The following ATF3 variants were observed in gnomAD, a reference collection of about 807,000 sequenced individuals.
ATF3 encodes activating transcription factor 3, also known as cyclic AMP-dependent transcription factor ATF-3.
Under a neutral mutation model 18.4 loss-of-function variants are expected in ATF3, and 10 were observed. The ratio of observed to expected loss-of-function variants is 0.54; its 90% CI spans 0.34 to 0.92. ATF3 has a LOEUF of 0.92. Among genes scored for constraint, ATF3 ranks in the 40% least tolerant of loss-of-function variants. ATF3 has a pLI of 0.02. For synonymous variants in ATF3, 78 were observed against 87.9 expected, an observed-to-expected ratio of 0.89 and a Z score of 0.63; for missense variants, 183 against 222.3, an observed-to-expected ratio of 0.82 and a Z score of 1.12.
At position 212,619,705 on chromosome 1, in the gene ATF3, AGCAGGCCCTTCCCATT is replaced by A; in HGVS notation, c.*151_*166del. The A allele has an allele frequency of 1.9e-6, 2 of 1,059,050 alleles. No individual in the cohort carries two copies. Among genetic ancestry groups the A allele is most frequent in the Non-Finnish European group, 2.7e-6 (2 of 734,726 alleles). The allele number at this position is 1,059,050 out of a possible 1,614,324, so 65.6% of individuals were successfully genotyped here. The stretch of plus-strand genomic sequence containing the variant: ...AAGGCGGGAGGGCCTGCAGTGATTC[AGCAGGCCCTTCCCATT>A]CTGCCCCAGAGTGGGTCTTGGACCA... On this transcript the variant is annotated 3_prime_UTR_variant, in exon 4 of 4. Transcript: ENST00000341491. This position sits in a 1 kb window ranked among gnomAD's most constrained non-coding sequence, Gnocchi z 4.4.
chr1:212,605,440 G>A (rs1393214214), upstream of ATF3, among the ~76,000 whole-genome samples: 1 of 152,222 alleles, frequency 6.6e-6, no homozygotes, highest in Non-Finnish European at 1.5e-5. Context: ...GAAGAAGTAG[G>A]TTGAGCCAGG....
At chr1:212,617,360 C>A (rs971010171) in intron 2 of ATF3, among the ~76,000 whole-genome samples, 6 of 152,206 alleles carry the variant, frequency 3.9e-5, no homozygotes, top group Non-Finnish European at 8.8e-5. Flanking sequence ...CTGGCGATGC[C>A]ATAGTGGCTT....
intron 1 of ATF3, among the ~76,000 whole-genome samples, chr1:212,573,393 A>G (rs1204711422): frequency 6.6e-6 from 1 of 151,956 alleles, no homozygotes; most frequent in Non-Finnish European, 1.5e-5. Flanking sequence ...TGTGGATGTA[A>G]TATATTATAC....
chr1:212,584,414 A>G lies in ATF3; in HGVS notation c.-5+18931A>G, dbSNP rs534927953. ...AGCAAGCTTGAGGAGCCAATGGTGC[A>G]GTTCCAGTCTGAGGCTGGGAGGCTC... On this transcript the variant is annotated intron_variant, in intron 1 of 3. Coordinates refer to the ATF3 transcript ENST00000366981. 1.2e-4 allele frequency among the ~76,000 whole-genome samples: 19 copies of G among 152,246 alleles called. No homozygotes were observed. The South Asian group carries it at 3.9e-3, about 32-fold the overall frequency.
Position 212,618,022 on chromosome 1 carries a change from G to A in ATF3, c.241-105G>A, listed in dbSNP as rs1459959898. On this transcript the variant is annotated intron_variant, in intron 2 of 3. Coordinates refer to ENST00000341491, the MANE Select transcript of ATF3 (RefSeq NM_001674.4). This position sits in a 1 kb window ranked among gnomAD's most constrained non-coding sequence, Gnocchi z 4.4. ...AGTATTTCGGGGTCTTTTAGCGCTA[G>A]CATTGCCCTTGTCTGCCAGCTTTTG... The A allele has an allele frequency of 4.4e-5, 50 of 1,132,960 alleles. No individual in the cohort carries two copies. In the South Asian group the frequency reaches 6.3e-4, roughly 14 times the overall value. 70.2% of individuals were successfully genotyped at this position (1,132,960 alleles called of 1,614,324 possible).
chr1:212,603,124 A>G (rs1412038518), intron 1 of ATF3, among the ~76,000 whole-genome samples: 3 of 152,186 alleles, frequency 2.0e-5, no homozygotes, highest in Non-Finnish European at 4.4e-5. Context: ...ACACCTGCTC[A>G]GGTGCAGACT....
intron 1 of ATF3, among the ~76,000 whole-genome samples, chr1:212,587,894 G>A (rs934281329): frequency 2.0e-5 from 3 of 151,638 alleles, no homozygotes; most frequent in East Asian, 1.9e-4. Context: ...TGTGGGATAC[G>A]GTGCCTGTAC....
intron 1 of ATF3, among the ~76,000 whole-genome samples, chr1:212,582,671 G>T (rs544753054): frequency 5.0e-4 from 76 of 152,184 alleles, no homozygotes; most frequent in African/African-American, 1.8e-3. Context: ...AACAGTCAAA[G>T]CTCCTGACAT....
intron 1 of ATF3, among the ~76,000 whole-genome samples, chr1:212,597,140 C>A (rs1195853323): frequency 1.3e-5 from 2 of 152,202 alleles, no homozygotes; most frequent in Non-Finnish European, 2.9e-5. Context: ...GCATGTCCAA[C>A]ACAGACAGAG....
At chr1:212,611,541 T>G (rs146926676) in intron 1 of ATF3, among the ~76,000 whole-genome samples, 1 of 152,350 alleles carries the variant, frequency 6.6e-6, no homozygotes, top group Non-Finnish European at 1.5e-5. Flanking sequence ...ACTGATAGGC[T>G]TAGAAACATT....
At chr1:212,598,041 C>G (rs549367087) in intron 1 of ATF3, among the ~76,000 whole-genome samples, 1 of 152,078 alleles carries the variant, frequency 6.6e-6, no homozygotes, top group Non-Finnish European at 1.5e-5. Flanking sequence ...ATACACTCTT[C>G]GAAAGACACA....
At chr1:212,574,477 A>G (rs1304840402) in intron 1 of ATF3, among the ~76,000 whole-genome samples, 2 of 151,888 alleles carry the variant, frequency 1.3e-5, no homozygotes, top group Non-Finnish European at 2.9e-5. Context: ...GTTCTATAAT[A>G]TCTTTTCATT....
chr1:212,571,331 G>A (rs1328031941), intron 1 of ATF3, among the ~76,000 whole-genome samples: 2 of 151,928 alleles, frequency 1.3e-5, no homozygotes, highest in African/African-American at 4.8e-5. Context: ...ATGATTTGAG[G>A]TAAATCTCTA....
At chr1:212,614,052 A>G (rs1654999717) in intron 1 of ATF3, 1 of 152,192 alleles carries the variant, frequency 6.6e-6, no homozygotes, top group Admixed American at 6.5e-5. Context: ...TCAGTTGGCC[A>G]ATGAGGCATG....
rs1167295301 is a variant in ATF3, at chr1:212,608,922, A to C, written c.-13A>C. ...TCCCGACCCTGGCCGCCCCGAGCGG[A>C]GCCTGGAGGTGAGCGCTGGAAGCCG... On this transcript the variant is annotated 5_prime_UTR_variant, in exon 1 of 4. Coordinates refer to ENST00000341491, the MANE Select transcript of ATF3 (RefSeq NM_001674.4). 6.6e-6 allele frequency: 1 copy of C among 152,120 alleles called. No individual in the cohort carries two copies. The highest frequency in any genetic ancestry group is 1.5e-5 in the Non-Finnish European group (1 of 68,172). 9.4% of individuals were successfully genotyped at this position (152,120 alleles called of 1,614,324 possible). A position where few individuals can be genotyped will look rare whatever the true frequency, so the allele number is the denominator to read the frequency against.
intron 1 of ATF3, among the ~76,000 whole-genome samples, chr1:212,597,295 C>T (rs1316210452): frequency 6.6e-6 from 1 of 152,074 alleles, no homozygotes; most frequent in Non-Finnish European, 1.5e-5. Flanking sequence ...TCTTCATCAT[C>T]GACTGTAGAC....
At chr1:212,608,340 C>G (rs1000907742), upstream of ATF3, among the ~76,000 whole-genome samples, 6 of 152,228 alleles carry the variant, frequency 3.9e-5, no homozygotes, top group Non-Finnish European at 7.3e-5. Context: ...CCCGCCCCCC[C>G]CGCTCTTCAA....
chr1:212,599,942 G>C (rs971697450), intron 1 of ATF3, among the ~76,000 whole-genome samples: 8 of 152,228 alleles, frequency 5.3e-5, no homozygotes, highest in Non-Finnish European at 1.0e-4. Context: ...TACCTGTAAT[G>C]GGGAGGGCCC....
At chr1:212,572,997 C>T (rs543888897) in intron 1 of ATF3, among the ~76,000 whole-genome samples, 1 of 152,206 alleles carries the variant, frequency 6.6e-6, no homozygotes, top group African/African-American at 2.4e-5. Context: ...GCTCTCATAT[C>T]GATTCTAATA....
Sources: allele counts gnomAD v4.1 joint callset (sites outside exome capture counted in the v4.1 genomes callset), GRCh38; gene constraint gnomAD v4.1.1; non-coding constraint Gnocchi (gnomAD v3.1); transcripts MANE v1.5; gene names NCBI Gene and HGNC (gene_info 2026-07-23, HGNC 2026-07-21).